The following ELOVL4 variants were observed in gnomAD, a reference collection of about 807,000 sequenced individuals.
ELOVL4 encodes ELOVL fatty acid elongase 4.
A neutral mutation model predicts 42.1 loss-of-function variants in ELOVL4; 18 were observed. That is an observed-to-expected ratio of 0.43 (90% CI 0.30 to 0.63). The LOEUF (loss-of-function observed/expected upper bound fraction) is 0.63. ELOVL4 is among the 30% of genes least tolerant of loss of function. ELOVL4 has a pLI of 0.15. For synonymous variants in ELOVL4, 117 were observed against 127.0 expected (o/e 0.92, Z 0.53); for missense variants, 299 against 376.2 (o/e 0.79, Z 1.70).
intron 1 of ELOVL4, among the ~76,000 whole-genome samples, chr6:79,932,278 C>G (rs183450036): frequency 6.6e-6 from 1 of 152,134 alleles, no homozygotes; most frequent in Non-Finnish European, 1.5e-5. Flanking sequence ...CAGTGGCTCA[C>G]GCCTGTAATC....
At chr6:79,936,512 G>A (rs1444793567) in intron 1 of ELOVL4, among the ~76,000 whole-genome samples, 1 of 152,148 alleles carries the variant, frequency 6.6e-6, no homozygotes, top group Admixed American at 6.5e-5. Flanking sequence ...AATGTCACGA[G>A]GGCCAATGCT....
At chr6:79,932,158 G>A (rs1024105612) in intron 1 of ELOVL4, among the ~76,000 whole-genome samples, 7 of 152,134 alleles carry the variant, frequency 4.6e-5, no homozygotes, top group African/African-American at 1.2e-4. Context: ...AAAAGGTTAC[G>A]TAATAATTAT....
At chr6:79,942,759 T>C (rs1774669182) in intron 1 of ELOVL4, among the ~76,000 whole-genome samples, 3 of 152,202 alleles carry the variant, frequency 2.0e-5, no homozygotes, top group African/African-American at 2.4e-5. Context: ...CCATCTGCAA[T>C]AGGATGTTTT....
chr6:79,930,676 G>T (rs73750827), intron 1 of ELOVL4, among the ~76,000 whole-genome samples: 2,859 of 152,044 alleles, frequency 0.019, 90 homozygotes, highest in African/African-American at 0.064. Context: ...AAGGTTGGGG[G>T]GCTAAAACAG....
intron 5 of ELOVL4, 147 bp from the exon 6 acceptor site, chr6:79,917,030 C>T: frequency 3.7e-6 from 3 of 820,042 alleles, no homozygotes; most frequent in East Asian, 2.7e-5. Context: ...ATGGCTAGCT[C>T]CTCATTCACA....
At chr6:79,935,319 C>T (rs1424587443) in intron 1 of ELOVL4, among the ~76,000 whole-genome samples, 1 of 151,826 alleles carries the variant, frequency 6.6e-6, no homozygotes, top group Non-Finnish European at 1.5e-5. Context: ...AACTATCTTC[C>T]CCAAGTAAGC....
chr6:79,937,179 A>C (rs1283174988), intron 1 of ELOVL4, among the ~76,000 whole-genome samples: 1 of 152,176 alleles, frequency 6.6e-6, no homozygotes, highest in African/African-American at 2.4e-5. Context: ...AGAGTCATTC[A>C]GCACAGGGTT....
At chr6:79,946,104 C>T (rs999082811) in intron 1 of ELOVL4, among the ~76,000 whole-genome samples, 15 of 152,118 alleles carry the variant, frequency 9.9e-5, no homozygotes, top group African/African-American at 3.6e-4. Flanking sequence ...ATTTTCATTT[C>T]GAAGTAGGGA....
intron 1 of ELOVL4, among the ~76,000 whole-genome samples, chr6:79,941,035 C>A (rs1361580962): frequency 6.6e-6 from 1 of 152,018 alleles, no homozygotes; most frequent in East Asian, 1.9e-4. Flanking sequence ...GTTATTTGTA[C>A]TATTTAGGCA....
intron 1 of ELOVL4, among the ~76,000 whole-genome samples, chr6:79,943,041 A>C (rs1774673297): frequency 6.6e-6 from 1 of 151,868 alleles, no homozygotes; most frequent in Non-Finnish European, 1.5e-5. Flanking sequence ...GCTGCCTACA[A>C]CTTGGAATCA....
At position 79,916,423 on chromosome 6, in the gene ELOVL4, ACTT is replaced by A; in HGVS notation, c.*182_*184del. On this transcript the variant is annotated 3_prime_UTR_variant, in exon 6 of 6. Transcript: ENST00000369816. ...TTTAAAAAAAATGTTTAAAATAAAA[ACTT>A]CATAAATAAAACATCTGGGTATGGT... 2 of 667,298 alleles carry A rather than the reference ACTT, an allele frequency of 3.0e-6. No individual in the cohort carries two copies. The highest frequency in any genetic ancestry group is 5.0e-6 in the Non-Finnish European group (2 of 397,210). 41.3% of individuals were successfully genotyped at this position (667,298 alleles called of 1,614,324 possible).
intron 1 of ELOVL4, among the ~76,000 whole-genome samples, chr6:79,942,369 T>C (rs1774661832): frequency 6.6e-6 from 1 of 152,104 alleles, no homozygotes; most frequent in Non-Finnish European, 1.5e-5. Flanking sequence ...ACAGGCAAAA[T>C]GTCCTGATAA....
At chr6:79,922,003 C>T (rs1428969279) in intron 3 of ELOVL4, among the ~76,000 whole-genome samples, 1 of 152,196 alleles carries the variant, frequency 6.6e-6, no homozygotes, top group Non-Finnish European at 1.5e-5. Context: ...TCTATCTATA[C>T]AGTGCCAATA....
chr6:79,923,727 C>T (rs886397172), intron 3 of ELOVL4, among the ~76,000 whole-genome samples: 1 of 152,160 alleles, frequency 6.6e-6, no homozygotes, highest in African/African-American at 2.4e-5. Context: ...GCTTTTCACC[C>T]CTGTCCCCAG....
In ELOVL4 at chr6:79,921,804, A is replaced by G. The variant is rs749448670; in HGVS notation, c.370-8T>C. ...CCACAGAGCAGCAGCTATCTGTAAA[A>G]AGGGAAAGCGTGTTATAAACACCAA... On this transcript the variant is annotated splice_polypyrimidine_tract_variant and splice_region_variant and intron_variant, in intron 3 of 5. Coordinates refer to ENST00000369816, the MANE Select transcript of ELOVL4 (RefSeq NM_022726.4). The G allele has an allele frequency of 4.3e-6, 7 of 1,613,786 alleles. No homozygotes were observed. The South Asian group carries it at 5.5e-5, about 13-fold the overall frequency.
chr6:79,946,341 G>C (rs1357379645), intron 1 of ELOVL4, among the ~76,000 whole-genome samples: 1 of 152,250 alleles, frequency 6.6e-6, no homozygotes, highest in Non-Finnish European at 1.5e-5. Flanking sequence ...CGCTAGGAAA[G>C]CTGCATAAAT....
chr6:79,943,892 C>T (rs1774690666), intron 1 of ELOVL4, among the ~76,000 whole-genome samples: 1 of 152,176 alleles, frequency 6.6e-6, no homozygotes, highest in African/African-American at 2.4e-5. Flanking sequence ...CTAACTGCAA[C>T]TACCAAGTAG....
At chr6:79,924,802 T>G (rs894378303) in intron 3 of ELOVL4, 150 bp downstream of exon 3, 17 of 629,138 alleles carry the variant, frequency 2.7e-5, no homozygotes, top group Non-Finnish European at 4.3e-5. Context: ...ACCACTGCAC[T>G]TCAGTCTGGG....
At chr6:79,947,039 C>G in intron 1 of ELOVL4, 141 bp downstream of exon 1, 1 of 702,766 alleles carries the variant, frequency 1.4e-6, no homozygotes, top group Non-Finnish European at 2.5e-6. Flanking sequence ...GCAGTGCCCG[C>G]GCCGGCCCCT....
Sources: allele counts gnomAD v4.1 joint callset (sites outside exome capture counted in the v4.1 genomes callset), GRCh38; gene constraint gnomAD v4.1.1; transcripts MANE v1.5; gene names NCBI Gene and HGNC (gene_info 2026-07-23, HGNC 2026-07-21).